Variants in OR1S2 observed in about 807,000 individuals in gnomAD.
OR1S2 encodes olfactory receptor family 1 subfamily S member 2, also known as olfactory receptor 1S2.
OR1S2 carries 1 observed loss-of-function variant against 1.7 expected under a neutral mutation model. The observed-to-expected ratio is 0.59, with a 90% CI of 0.21 to 2.81. The LOEUF (loss-of-function observed/expected upper bound fraction) is 2.81, where lower values mean the gene tolerates loss of function less well. Ranked by LOEUF, OR1S2 falls within the 30% of genes most tolerant of loss-of-function variation. The pLI, the probability that OR1S2 is intolerant of heterozygous loss-of-function variation, is 0.22. For missense variants in OR1S2, 391 were observed against 371.6 expected (o/e 1.05, Z -0.43); for synonymous variants, 157 against 145.3 (o/e 1.08, Z -0.58).
rs1478234270 is a variant in OR1S2 at position 58,203,795 on chromosome 11, C to G, written c.348G>C (p.Gly116=). 4.3e-6 allele frequency: 7 copies of G among 1,614,096 alleles called. 1 individual carries two copies. Among genetic ancestry groups the G allele is most frequent in the South Asian group, 1.1e-5 (1 of 91,080 alleles). The change falls in exon 1 of 1, where the codon GGG becomes GGC. Residue 116 remains glycine, a synonymous_variant. Transcript: ENST00000641683. ...CCACAAAGTGGTCGAAGGCCATGGT[C>G]CCCAAAAGCAAATTGTCAGTGACGA...
chr11:58,204,026 C>G, exon 1 of OR1S2: 1 of 1,614,006 alleles, frequency 6.2e-7, no homozygotes, highest in Non-Finnish European at 8.5e-7. Context: ...CGTTCCCAAC[C>G]ACAGTGACCA....
chr11:58,203,968 T>C lies in OR1S2; in HGVS notation c.175A>G (p.Met59Val), dbSNP rs200180410. ...GATAGGTAGGCAAGGAAGAGATACA[T>C]GGGGGTGTGAAGGTATATATCCAAG... The change falls in exon 1 of 1, where the codon ATG (methionine) becomes GTG (valine). Residue 59 changes from methionine (M) to valine (V), a missense_variant. Coordinates refer to ENST00000641683, the Ensembl canonical transcript of OR1S2. The C allele has an allele frequency of 5.9e-5, 95 of 1,613,860 alleles. No individual in the cohort carries two copies. The highest frequency in any genetic ancestry group is 6.8e-5 in the Non-Finnish European group (80 of 1,179,966).
exon 1 of OR1S2, chr11:58,203,537 C>G: frequency 6.2e-7 from 1 of 1,614,012 alleles, no homozygotes; most frequent in Non-Finnish European, 8.5e-7. Context: ...CTGATAAACC[C>G]ACAATAAACA....
exon 1 of OR1S2, chr11:58,203,524 T>C: frequency 6.2e-7 from 1 of 1,614,100 alleles, no homozygotes; most frequent in Non-Finnish European, 8.5e-7. Context: ...GGGAAGATGA[T>C]AACTGATAAA....
In OR1S2 at chr11:58,204,112, C is replaced by T. The variant is rs754600759; in HGVS notation, c.31G>A (p.Glu11Lys). ...TTGGAGAGTCCCAGGAGAATGAATT[C>T]AGTGATGGTGGTTTGGTTTTCTTGA... Residue 11 changes from glutamate to lysine, a missense_variant, in exon 1 of 1, where the codon GAA becomes AAA. Transcript: ENST00000641683. The T allele has an allele frequency of 3.1e-6, 5 of 1,614,006 alleles. No homozygotes were observed. In the Admixed American group the frequency reaches 6.7e-5, roughly 22 times the overall value.
exon 1 of OR1S2, chr11:58,204,006 A>G (rs11229281): frequency 0.1 from 162,012 of 1,613,984 alleles, 8,744 homozygotes; most frequent in Middle Eastern, 0.14. Flanking sequence ...GATAGCCACA[A>G]TGATGAGCCC....
exon 1 of OR1S2, chr11:58,203,268 A>C (rs142417448): frequency 1.2e-6 from 2 of 1,613,950 alleles, no homozygotes; most frequent in Non-Finnish European, 1.7e-6. Context: ...CTTATTCCTC[A>C]AGCTGTAGAT....
rs751377346 is a variant in OR1S2 at position 58,204,098 on chromosome 11, C to G, written c.45G>C (p.Leu15=). Residue 15 remains leucine (L), a synonymous_variant, in exon 1 of 1, where the codon CTG becomes CTC. Transcript: ENST00000641683. Reference sequence around the variant, plus strand: ...GATGTTCAGCCTGGTTGGAGAGTCCCAGGAGAATGAATTCAGTGATGGTGG... The same window carrying G: ...GATGTTCAGCCTGGTTGGAGAGTCCGAGGAGAATGAATTCAGTGATGGTGG... The G allele has an allele frequency of 1.9e-5, 30 of 1,613,900 alleles. No homozygotes were observed. In the African/African-American group the frequency reaches 3.2e-4, roughly 17 times the overall value.
exon 1 of OR1S2, chr11:58,204,040 A>C (rs147374552): frequency 6.2e-7 from 1 of 1,613,994 alleles, no homozygotes; most frequent in South Asian, 1.1e-5. Context: ...GTGACCACAT[A>C]CATACTCAGG....
chr11:58,203,807 A>G, exon 1 of OR1S2: 1 of 1,614,132 alleles, frequency 6.2e-7, no homozygotes, highest in Non-Finnish European at 8.5e-7. Context: ...CCAAAAGCAA[A>G]TTGTCAGTGA....
In OR1S2 at chr11:58,203,906, G is replaced by A. The variant is rs140744069; in HGVS notation, c.237C>T (p.Pro79=). The change falls in exon 1 of 1, where the codon CCC becomes CCT. Residue 79 remains proline (P), a synonymous_variant. Transcript: ENST00000641683. ...TGGTTTGAATATTCACCAGCATTTTGGGGACTGAGTTGGAAATGGAGGAAA... is the reference window on the plus strand; with the variant it reads ...TGGTTTGAATATTCACCAGCATTTTAGGGACTGAGTTGGAAATGGAGGAAA... The A allele has an allele frequency of 2.4e-5, 38 of 1,613,996 alleles. No individual in the cohort carries two copies. In the African/African-American group the frequency reaches 4.4e-4, roughly 19 times the overall value.
chr11:58,204,050 GA>G lies in OR1S2; in HGVS notation c.92del (p.Phe31SerfsTer2). ...CCACAGTGACCACATACATACTCAGGAAAAGCACAAAGAGGAGGTTTTGATG... is the reference window on the plus strand; with the variant it reads ...CCACAGTGACCACATACATACTCAGGAAAGCACAAAGAGGAGGTTTTGATG... On this transcript the variant is annotated frameshift_variant, in exon 1 of 1. Coordinates refer to ENST00000641683, the Ensembl canonical transcript of OR1S2. LOFTEE classifies it low-confidence loss of function (END_TRUNC). The G allele has an allele frequency of 6.2e-7, 1 of 1,613,966 alleles. No homozygotes were observed. Among genetic ancestry groups the G allele is most frequent in the Non-Finnish European group, 8.5e-7 (1 of 1,179,900 alleles).
At chr11:58,203,692 G>A in exon 1 of OR1S2, 2 of 1,614,104 alleles carry the variant, frequency 1.2e-6, no homozygotes, top group Non-Finnish European at 1.7e-6. Flanking sequence ...ATATTACTGA[G>A]GAACCACGAG....
exon 1 of OR1S2, chr11:58,204,082 C>T (rs765412171): frequency 6.2e-7 from 1 of 1,613,926 alleles, no homozygotes; most frequent in Non-Finnish European, 8.5e-7. Context: ...TGATGTTCAG[C>T]CTGGTTGGAG....
chr11:58,204,033 A>T lies in OR1S2; in HGVS notation c.110T>A (p.Val37Asp). ...GATGAGCCCGTTCCCAACCACAGTGACCACATACATACTCAGGAAAAGCAC... is the reference window on the plus strand; with the variant it reads ...GATGAGCCCGTTCCCAACCACAGTGTCCACATACATACTCAGGAAAAGCAC... Residue 37 changes from valine to aspartate, a missense_variant, in exon 1 of 1, where the codon GTC becomes GAC. By Grantham distance (152) the Val-to-Asp change is radical. Coordinates refer to ENST00000641683, the Ensembl canonical transcript of OR1S2. The T allele has an allele frequency of 6.2e-7, 1 of 1,614,064 alleles. No homozygotes were observed. Among genetic ancestry groups the T allele is most frequent in the Non-Finnish European group, 8.5e-7 (1 of 1,179,968 alleles).
exon 1 of OR1S2, chr11:58,203,824 A>G (rs775017216): frequency 2.2e-5 from 36 of 1,614,116 alleles, no homozygotes; most frequent in Non-Finnish European, 2.6e-5. Flanking sequence ...GTGACGACAA[A>G]CACAATAGAA....
chr11:58,204,093 A>G, exon 1 of OR1S2: 1 of 1,613,918 alleles, frequency 6.2e-7, no homozygotes, highest in East Asian at 2.2e-5. Context: ...CTGGTTGGAG[A>G]GTCCCAGGAG....
chr11:58,203,288 C>A, exon 1 of OR1S2: 1 of 1,600,524 alleles, frequency 6.2e-7, no homozygotes, highest in East Asian at 2.3e-5. Context: ...TGAAGGGGTT[C>A]ATCATGGGTG....
exon 1 of OR1S2, chr11:58,203,947 G>A (rs1191173048): frequency 1.5e-5 from 24 of 1,614,114 alleles, no homozygotes; most frequent in Non-Finnish European, 1.7e-5. Context: ...GCAAAGGATA[G>A]GTAGGCAAGG....
Sources: gnomAD v4.1 joint callset for allele counts on GRCh38, gnomAD v4.1.1 for gene constraint, MANE v1.5 for transcripts, NCBI Gene and HGNC (gene_info 2026-07-23, HGNC 2026-07-21) for gene names.